Variants in DKK2 observed in about 807,000 individuals in gnomAD.
DKK2 encodes the protein dickkopf-related protein 2.
Under a neutral mutation model 28.1 loss-of-function variants are expected in DKK2, and 11 were observed. The ratio of observed to expected loss-of-function variants is 0.39; its 90% confidence interval spans 0.25 to 0.65. The LOEUF (loss-of-function observed/expected upper bound fraction) is 0.65. Among genes scored for constraint, DKK2 ranks in the 30% least tolerant of loss-of-function variants. The pLI, the probability that DKK2 is intolerant of heterozygous loss-of-function variation, is 0.47. For missense variants in DKK2, 326 were observed against 335.5 expected (o/e 0.97, Z 0.22); for synonymous variants, 135 against 126.5 (o/e 1.07, Z -0.45).
intron 1 of DKK2, among the ~76,000 whole-genome samples, chr4:106,963,309 C>T (rs1362734126): frequency 1.4e-5 from 2 of 147,474 alleles, no homozygotes; most frequent in Non-Finnish European, 3.0e-5. Flanking sequence ...GCCAAGATCG[C>T]ACCATTTCAC....
intron 1 of DKK2, among the ~76,000 whole-genome samples, chr4:106,957,756 G>T (rs1343753412): frequency 9.2e-6 from 1 of 108,830 alleles, no homozygotes; most frequent in Non-Finnish European, 1.8e-5. Flanking sequence ...ACTGTTGTGG[G>T]GTGGGGGGAG....
At chr4:106,947,423 T>A (rs1724794531) in intron 1 of DKK2, among the ~76,000 whole-genome samples, 1 of 152,124 alleles carries the variant, frequency 6.6e-6, no homozygotes, top group African/African-American at 2.4e-5. Context: ...TGATAGTATT[T>A]TCATTAAAAT....
At chr4:106,950,038 G>T (rs1724836059) in intron 1 of DKK2, among the ~76,000 whole-genome samples, 1 of 152,150 alleles carries the variant, frequency 6.6e-6, no homozygotes, top group African/African-American at 2.4e-5. Context: ...TGTAAAACAT[G>T]TCTTGCATTG....
chr4:107,018,550 T>A (rs1038940798), intron 1 of DKK2, among the ~76,000 whole-genome samples: 3 of 152,074 alleles, frequency 2.0e-5, no homozygotes, highest in Non-Finnish European at 4.4e-5. Flanking sequence ...GAAATTCTCC[T>A]TTAGTCAGCC....
rs189803854 is a variant in DKK2 at position 106,993,576 on chromosome 4, A to G, written c.222+41794T>C. The stretch of plus-strand genomic sequence containing the variant: ...ATTAGGGATTAAAGGGGGAATATAT[A>G]TATAAGCTCTTAGTGATCACTGCTC... On this transcript the variant is annotated intron_variant, in intron 1 of 3. Transcript: ENST00000285311. 1.5e-3 allele frequency among the ~76,000 whole-genome samples: 235 copies of G among 152,238 alleles called. 3 individuals carry two copies. Among genetic ancestry groups the G allele is most frequent in the African/African-American group, 5.6e-3 (231 of 41,548 alleles).
intron 1 of DKK2, among the ~76,000 whole-genome samples, chr4:106,975,222 G>A (rs1722924755): frequency 6.6e-6 from 1 of 152,108 alleles, no homozygotes; most frequent in African/African-American, 2.4e-5. Context: ...TTGTGTCTCT[G>A]CCAGGTTTTG....
At chr4:106,924,300 C>T (rs945329493) in intron 3 of DKK2, 96 bp from the exon 4 acceptor site, 9 of 1,462,408 alleles carry the variant, frequency 6.2e-6, no homozygotes, top group Non-Finnish European at 7.3e-6. Flanking sequence ...TTTACTTATA[C>T]TATCTTCTAT....
chr4:107,020,469 T>C (rs1275959580), intron 1 of DKK2, among the ~76,000 whole-genome samples: 1 of 152,018 alleles, frequency 6.6e-6, no homozygotes, highest in Non-Finnish European at 1.5e-5. Context: ...TTATATTAAT[T>C]TGAACAACTG....
chr4:107,031,352 G>C (rs1214192159), intron 1 of DKK2, among the ~76,000 whole-genome samples: 2 of 151,886 alleles, frequency 1.3e-5, no homozygotes, highest in Non-Finnish European at 1.5e-5. Flanking sequence ...GAATATTAGA[G>C]TATATAGTTT....
intron 1 of DKK2, among the ~76,000 whole-genome samples, chr4:106,957,883 C>T (rs1321734715): frequency 6.7e-6 from 1 of 148,756 alleles, no homozygotes; most frequent in African/African-American, 2.5e-5. Context: ...TGCACATGTA[C>T]CCTAAAACTT....
chr4:106,948,527 A>G (rs1348608292), intron 1 of DKK2, among the ~76,000 whole-genome samples: 2 of 152,186 alleles, frequency 1.3e-5, no homozygotes, highest in Non-Finnish European at 1.5e-5. Context: ...TTAACTCACC[A>G]TCGGAATGAA....
At chr4:106,937,744 G>T (rs1346072741) in intron 1 of DKK2, among the ~76,000 whole-genome samples, 23 of 143,476 alleles carry the variant, frequency 1.6e-4, no homozygotes, top group African/African-American at 5.1e-4. Flanking sequence ...AAATGTAAAA[G>T]AACAGAAATT....
intron 1 of DKK2, among the ~76,000 whole-genome samples, chr4:107,033,651 G>C (rs1453417116): frequency 6.6e-6 from 1 of 152,130 alleles, no homozygotes; most frequent in East Asian, 1.9e-4. Context: ...GAATGGAAAG[G>C]AACCTCAGGA....
chr4:106,992,372 G>A (rs910236548), intron 1 of DKK2, among the ~76,000 whole-genome samples: 7 of 152,174 alleles, frequency 4.6e-5, no homozygotes, highest in African/African-American at 1.7e-4. Flanking sequence ...ATCTTCTCCA[G>A]TGTGGTCTCT....
At chr4:107,015,319 T>C (rs759734585) in intron 1 of DKK2, among the ~76,000 whole-genome samples, 1 of 151,630 alleles carries the variant, frequency 6.6e-6, no homozygotes, top group Non-Finnish European at 1.5e-5. Context: ...ATCGAGGACC[T>C]ATACAAATAC....
chr4:107,013,516 C>G (rs571241383), intron 1 of DKK2, among the ~76,000 whole-genome samples: 3 of 151,328 alleles, frequency 2.0e-5, no homozygotes, highest in Admixed American at 6.6e-5. Flanking sequence ...TAGACTATCT[C>G]TCACATACAT....
intron 1 of DKK2, among the ~76,000 whole-genome samples, chr4:107,028,083 T>G (rs1578383960): frequency 6.6e-6 from 1 of 152,130 alleles, no homozygotes; most frequent in East Asian, 1.9e-4. Context: ...GAGGTACCAT[T>G]GTTTCCATGC....
chr4:106,967,586 G>A (rs1216761919), intron 1 of DKK2, among the ~76,000 whole-genome samples: 1 of 152,108 alleles, frequency 6.6e-6, no homozygotes, highest in Non-Finnish European at 1.5e-5. Context: ...GAAGCTACAG[G>A]ATTTTTAGGA....
intron 1 of DKK2, among the ~76,000 whole-genome samples, chr4:106,932,733 T>C (rs906612101): frequency 3.9e-5 from 6 of 152,162 alleles, no homozygotes; most frequent in African/African-American, 1.4e-4. Context: ...ATAAGTATAA[T>C]TGTCCTAACC....
Sources: gnomAD v4.1 joint callset for allele counts (sites outside exome capture counted in the v4.1 genomes callset) on GRCh38, gnomAD v4.1.1 for gene constraint, MANE v1.5 for transcripts, NCBI Gene and HGNC (gene_info 2026-07-23, HGNC 2026-07-21) for gene names.